The following WIPF2 variants were observed in gnomAD, a reference collection of about 807,000 sequenced individuals.
WIPF2 encodes the protein WAS/WASL-interacting protein family member 2.
WIPF2 carries 23 observed loss-of-function variants against 38.8 expected under a neutral mutation model. The ratio of observed to expected loss-of-function variants is 0.59; its 90% CI spans 0.43 to 0.84. The LOEUF is 0.84. Among genes scored for constraint, WIPF2 ranks in the 40% least tolerant of loss-of-function variants. The pLI, the probability that WIPF2 is intolerant of heterozygous loss-of-function variation, is 0.00. For synonymous variants in WIPF2, 210 were observed against 223.2 expected (o/e 0.94, Z 0.53); for missense variants, 574 against 580.5 (o/e 0.99, Z 0.11).
At chr17:40,222,615 C>G in intron 1 of WIPF2, among the ~76,000 whole-genome samples, 1 of 137,324 alleles carries the variant, frequency 7.3e-6, no homozygotes. Flanking sequence ...GTCTGCGTGC[C>G]AGCCAGGGAA....
At chr17:40,276,486 A>C (rs1224415611) in intron 6 of WIPF2, among the ~76,000 whole-genome samples, 1 of 117,764 alleles carries the variant, frequency 8.5e-6, no homozygotes, top group Non-Finnish European at 1.6e-5. Context: ...ATGCCACCGC[A>C]CCCCAGTCTG....
At chr17:40,257,651 C>T (rs542051975) in intron 2 of WIPF2, among the ~76,000 whole-genome samples, 3 of 146,352 alleles carry the variant, frequency 2.0e-5, no homozygotes, top group South Asian at 4.3e-4. Context: ...GAGGCTGAAG[C>T]GGGAGAATTG....
At chr17:40,222,654 GTTTTTTT>G (rs58758484) in intron 1 of WIPF2, among the ~76,000 whole-genome samples, 9 of 52,818 alleles carry the variant, frequency 1.7e-4, no homozygotes, top group South Asian at 7.9e-4. Context: ...TGCATATTCA[GTTTTTTT>G]TTTTTTTTTT....
intron 5 of WIPF2, among the ~76,000 whole-genome samples, chr17:40,272,809 G>A (rs1023961256): frequency 6.6e-6 from 1 of 152,160 alleles, no homozygotes; most frequent in Non-Finnish European, 1.5e-5. Context: ...CCAGAAGGAG[G>A]AACTGCTCTG....
intron 6 of WIPF2, 150 bp downstream of exon 6, chr17:40,274,149 G>A: frequency 1.7e-6 from 1 of 598,980 alleles, no homozygotes; most frequent in South Asian, 2.6e-5. Flanking sequence ...ATCCTCAGAG[G>A]TATGGGCTGT....
At chr17:40,262,793 C>T in intron 4 of WIPF2, 152 bp downstream of exon 4, 1 of 628,826 alleles carries the variant, frequency 1.6e-6, no homozygotes, top group Middle Eastern at 4.3e-4. Context: ...ACAGCAAAAG[C>T]TGAGGGATTA....
intron 1 of WIPF2, among the ~76,000 whole-genome samples, chr17:40,247,304 AGCTCCCGG>A (rs902311480): frequency 2.4e-5 from 3 of 124,548 alleles, no homozygotes; most frequent in African/African-American, 9.4e-5. Flanking sequence ...TGCAACCTCC[AGCTCCCGG>A]GTTCAAGCGA....
intron 1 of WIPF2, among the ~76,000 whole-genome samples, chr17:40,228,413 A>G (rs1203854811): frequency 1.3e-5 from 2 of 152,126 alleles, no homozygotes; most frequent in African/African-American, 2.4e-5. Context: ...GTCTTTTGCT[A>G]TTACAAACTA....
chr17:40,277,226 A>C (rs775538407), intron 7 of WIPF2, 42 bp downstream of exon 7: 26 of 1,495,468 alleles, frequency 1.7e-5, no homozygotes, highest in Non-Finnish European at 2.2e-5. Flanking sequence ...ATTGCATAGA[A>C]TGTAGAATCT....
chr17:40,223,542 A>G (rs1405990696), intron 1 of WIPF2, among the ~76,000 whole-genome samples: 1 of 151,578 alleles, frequency 6.6e-6, no homozygotes, highest in African/African-American at 2.4e-5. Flanking sequence ...GGAAAAAAAA[A>G]AGGCAAGAGG....
chr17:40,243,946 C>T (rs1015184483), intron 1 of WIPF2, among the ~76,000 whole-genome samples: 6 of 152,032 alleles, frequency 3.9e-5, no homozygotes, highest in Non-Finnish European at 7.4e-5. Flanking sequence ...ATTTTTTTCC[C>T]TTAAGTAACC....
chr17:40,250,412 G>T (rs138637584), intron 1 of WIPF2, among the ~76,000 whole-genome samples: 8 of 141,876 alleles, frequency 5.6e-5, no homozygotes, highest in African/African-American at 7.8e-5. Context: ...TTGTATTTTT[G>T]TATTTTTTTT....
intron 1 of WIPF2, among the ~76,000 whole-genome samples, chr17:40,246,068 G>A (rs543259833): frequency 2.7e-5 from 4 of 150,298 alleles, no homozygotes; most frequent in South Asian, 4.2e-4. Context: ...ACCCAGACTT[G>A]CTTGCTCTTT....
chr17:40,229,194 C>T (rs1050491526), intron 1 of WIPF2, among the ~76,000 whole-genome samples: 8 of 151,788 alleles, frequency 5.3e-5, no homozygotes, highest in Admixed American at 4.6e-4. Flanking sequence ...TCACCGCAAC[C>T]TCTGCCTCCC....
chr17:40,240,229 A>AT (rs1364030601), intron 1 of WIPF2, among the ~76,000 whole-genome samples: 1 of 151,598 alleles, frequency 6.6e-6, no homozygotes, highest in Non-Finnish European at 1.5e-5. Flanking sequence ...CAATCGGCTA[A>AT]TTTTTTTGTA....
chr17:40,224,893 G>A (rs977216435), intron 1 of WIPF2, among the ~76,000 whole-genome samples: 2 of 151,818 alleles, frequency 1.3e-5, no homozygotes, highest in African/African-American at 4.8e-5. Context: ...TTTTCTTCTT[G>A]AGTGTGATTG....
intron 1 of WIPF2, among the ~76,000 whole-genome samples, chr17:40,254,710 A>G (rs549749854): frequency 1.3e-5 from 2 of 151,140 alleles, no homozygotes; most frequent in East Asian, 1.9e-4. Context: ...CTGTTTTTGT[A>G]TGGCCCATAA....
intron 1 of WIPF2, among the ~76,000 whole-genome samples, chr17:40,248,426 C>T (rs1415920603): frequency 1.3e-5 from 2 of 151,970 alleles, no homozygotes. Flanking sequence ...GCCTCGGCCT[C>T]CCAAAGTGCT....
chr17:40,255,414 C>T (rs1236829434), intron 1 of WIPF2, among the ~76,000 whole-genome samples: 2 of 152,000 alleles, frequency 1.3e-5, no homozygotes. Context: ...CAACCTCTGC[C>T]TCCCAGGTTC....
Sources: gnomAD v4.1 joint callset for allele counts (sites outside exome capture counted in the v4.1 genomes callset) on GRCh38, gnomAD v4.1.1 for gene constraint, MANE v1.5 for transcripts, NCBI Gene and HGNC (gene_info 2026-07-23, HGNC 2026-07-21) for gene names.